Variants in ASCC1 observed in about 807,000 individuals in gnomAD.
The protein encoded by ASCC1 is ASC-1 complex subunit P50.
A neutral mutation model predicts 46.6 loss-of-function variants in ASCC1; 35 were observed. The ratio of observed to expected loss-of-function variants is 0.75; its 90% CI spans 0.57 to 0.99. ASCC1 has a LOEUF of 0.99. Ranked by LOEUF, ASCC1 falls within the 50% of genes least tolerant of loss-of-function variation. ASCC1 has a pLI of 0.00. For synonymous variants in ASCC1, 143 were observed against 146.6 expected, an observed-to-expected ratio of 0.98 and a Z score of 0.18; for missense variants, 376 against 428.7, an observed-to-expected ratio of 0.88 and a Z score of 1.09.
rs1842509607 is a variant in ASCC1, at chr10:72,107,812, T to C, written c.958-10362A>G. ...ATTGTAAGGCTTAAGGGAATGTGAT[T>C]ATGTGAGTCACTTAAACTTGTATCT... On this transcript the variant is annotated intron_variant, in intron 9 of 9. Transcript: ENST00000672957. Among the ~76,000 whole-genome samples, 5 of 152,360 alleles carry C rather than the reference T, an allele frequency of 3.3e-5. No individual in the cohort carries two copies. The South Asian group carries it at 1.0e-3, about 32-fold the overall frequency.
At chr10:72,126,627 T>C (rs959534555) in intron 9 of ASCC1, among the ~76,000 whole-genome samples, 4 of 152,214 alleles carry the variant, frequency 2.6e-5, no homozygotes, top group African/African-American at 9.6e-5. Context: ...CCCAGTTGGC[T>C]TTGAGCCATT....
chr10:72,118,601 G>A (rs533590867), intron 9 of ASCC1, among the ~76,000 whole-genome samples: 1 of 151,734 alleles, frequency 6.6e-6, no homozygotes, highest in Non-Finnish European at 1.5e-5. Context: ...CCAACATGGT[G>A]AAACCCCGTC....
intron 9 of ASCC1, among the ~76,000 whole-genome samples, chr10:72,125,438 A>G (rs1185286377): frequency 6.6e-6 from 1 of 152,238 alleles, no homozygotes; most frequent in Non-Finnish European, 1.5e-5. Context: ...ATAATTTCAT[A>G]TCATACAAAA....
intron 5 of ASCC1, among the ~76,000 whole-genome samples, chr10:72,191,493 A>G (rs1177077031): frequency 6.6e-6 from 1 of 152,100 alleles, no homozygotes; most frequent in Non-Finnish European, 1.5e-5. Flanking sequence ...AAAGAAAAAA[A>G]AAGTATAGCA....
chr10:72,210,170 T>C (rs1207002182), intron 3 of ASCC1, among the ~76,000 whole-genome samples: 1 of 151,440 alleles, frequency 6.6e-6, no homozygotes, highest in Non-Finnish European at 1.5e-5. Context: ...TTTTTTTTTT[T>C]TTTTTTAAGA....
intron 7 of ASCC1, among the ~76,000 whole-genome samples, chr10:72,149,352 G>A (rs111606026): frequency 6.8e-6 from 1 of 147,726 alleles, no homozygotes; most frequent in South Asian, 2.1e-4. Context: ...GCAGGAGAAT[G>A]GCGTGAACCC....
At chr10:72,129,285 T>A (rs565789774) in intron 8 of ASCC1, among the ~76,000 whole-genome samples, 17 of 152,104 alleles carry the variant, frequency 1.1e-4, no homozygotes, top group Non-Finnish European at 2.1e-4. Context: ...CAAATAAATA[T>A]CAAAAAGTGG....
At chr10:72,137,472 G>A (rs1846381829) in intron 7 of ASCC1, among the ~76,000 whole-genome samples, 2 of 141,026 alleles carry the variant, frequency 1.4e-5, no homozygotes, top group South Asian at 4.4e-4. Flanking sequence ...AGGTCGCAGT[G>A]AGCCAAGATT....
At chr10:72,188,090 C>T (rs1263897756) in intron 5 of ASCC1, among the ~76,000 whole-genome samples, 1 of 151,078 alleles carries the variant, frequency 6.6e-6, no homozygotes, top group Non-Finnish European at 1.5e-5. Flanking sequence ...ACCCCATACA[C>T]CACAAAAGTA....
intron 4 of ASCC1, among the ~76,000 whole-genome samples, chr10:72,197,906 A>AAAATAAATAAATAAAT (rs201913206): frequency 0.017 from 2,379 of 139,946 alleles, 89 homozygotes; most frequent in African/African-American, 0.065. Context: ...ACCCTGTCTC[A>AAAATAAATAAATAAAT]AAATAAATAA....
At chr10:72,115,648 A>C (rs1766606474) in intron 9 of ASCC1, among the ~76,000 whole-genome samples, 1 of 152,192 alleles carries the variant, frequency 6.6e-6, no homozygotes, top group African/African-American at 2.4e-5. Context: ...ACTGGGGAAA[A>C]AGTAAAAGTA....
intron 9 of ASCC1, among the ~76,000 whole-genome samples, chr10:72,101,608 G>T (rs1294798607): frequency 6.6e-6 from 1 of 152,116 alleles, no homozygotes; most frequent in African/African-American, 2.4e-5. Flanking sequence ...CAGATTAAGG[G>T]TGTCTGGGGG....
chr10:72,143,303 T>C (rs1476079645), intron 7 of ASCC1, among the ~76,000 whole-genome samples: 1 of 152,142 alleles, frequency 6.6e-6, no homozygotes, highest in African/African-American at 2.4e-5. Context: ...GCTGCTGGTA[T>C]ACAGAAAACC....
chr10:72,142,927 C>G (rs1046033378), intron 7 of ASCC1, among the ~76,000 whole-genome samples: 2 of 73,394 alleles, frequency 2.7e-5, no homozygotes, highest in African/African-American at 1.1e-4. Context: ...TTTGGGAGGG[C>G]TGAGGTGGGT....
intron 5 of ASCC1, among the ~76,000 whole-genome samples, chr10:72,171,237 C>T (rs1348016483): frequency 6.6e-6 from 1 of 152,202 alleles, no homozygotes; most frequent in South Asian, 2.1e-4. Context: ...ACTTATCCTA[C>T]CATCTTCTGG....
intron 9 of ASCC1, among the ~76,000 whole-genome samples, chr10:72,120,365 C>G (rs535717011): frequency 1.3e-5 from 2 of 151,998 alleles, no homozygotes; most frequent in South Asian, 4.2e-4. Context: ...CAGAAACTTC[C>G]CAAACTGAAA....
intron 5 of ASCC1, among the ~76,000 whole-genome samples, chr10:72,191,559 A>G (rs1854507746): frequency 6.6e-6 from 1 of 152,164 alleles, no homozygotes; most frequent in African/African-American, 2.4e-5. Context: ...TCTCGTACAA[A>G]AAAATTACTG....
At chr10:72,121,922 T>A (rs1844254481) in intron 9 of ASCC1, among the ~76,000 whole-genome samples, 1 of 152,194 alleles carries the variant, frequency 6.6e-6, no homozygotes, top group African/African-American at 2.4e-5. Flanking sequence ...CTATAGAATA[T>A]TTTATCCAAC....
chr10:72,196,864 C>A lies in ASCC1; in HGVS notation c.436G>T (p.Val146Phe). ...TGGAATCTCAGGAATCCTTCCTGAACCTCAACTTCATTGAGGAAAAAGGCA... is the reference window on the plus strand; with the variant it reads ...TGGAATCTCAGGAATCCTTCCTGAAACTCAACTTCATTGAGGAAAAAGGCA... ...FLAFFLNEVE[V>F]QEGFLRFQEE... Residue 146 changes from valine to phenylalanine, a missense_variant, in exon 5 of 10, where the codon GTT becomes TTT. Coordinates refer to ENST00000672957, the MANE Select transcript of ASCC1 (RefSeq NM_001198800.3). The A allele has an allele frequency of 2.5e-6, 4 of 1,613,418 alleles. No homozygotes were observed. Among genetic ancestry groups the A allele is most frequent in the South Asian group, 1.1e-5 (1 of 91,066 alleles).
Sources: gnomAD v4.1 joint callset for allele counts (sites outside exome capture counted in the v4.1 genomes callset) on GRCh38, gnomAD v4.1.1 for gene constraint, MANE v1.5 for transcripts, NCBI Gene and HGNC (gene_info 2026-07-23, HGNC 2026-07-21) for gene names.